The following TCTN2 variants were observed in gnomAD, a reference collection of about 807,000 sequenced individuals.
TCTN2 encodes tectonic-2.
In TCTN2, 66 loss-of-function variants were observed where a neutral mutation model predicts 83.4. The observed-to-expected ratio is 0.79, with a 90% CI of 0.65 to 0.97. TCTN2 has a LOEUF of 0.97. Ranked by LOEUF, TCTN2 falls within the 50% of genes least tolerant of loss-of-function variation. The pLI, the probability that TCTN2 is intolerant of heterozygous loss-of-function variation, is 0.00. For missense variants in TCTN2, 794 were observed against 858.1 expected (o/e 0.93, Z 0.93); for synonymous variants, 301 against 326.7 (o/e 0.92, Z 0.85).
Position 123,707,075 on chromosome 12 carries a change from T to A in TCTN2, c.1984+2T>A. ...ATCCATGGACTCAGTATTATCAAGG[T>A]AGGGTGAAACAGATTTCTATGACCA... On this transcript the variant is annotated splice_donor_variant, in intron 17 of 17. Transcript: ENST00000303372. LOFTEE classifies it high-confidence loss of function. The A allele has an allele frequency of 6.2e-7, 1 of 1,612,690 alleles. No individual in the cohort carries two copies. Among genetic ancestry groups the A allele is most frequent in the Non-Finnish European group, 8.5e-7 (1 of 1,179,694 alleles).
chr12:123,695,034 T>C, intron 10 of TCTN2, 58 bp downstream of exon 10: 1 of 1,602,194 alleles, frequency 6.2e-7, no homozygotes, highest in Non-Finnish European at 8.5e-7. Context: ...TTTTTCCTCT[T>C]TTCAAGATTC....
At chr12:123,680,414 A>G (rs1304323665) in intron 5 of TCTN2, among the ~76,000 whole-genome samples, 1 of 151,090 alleles carries the variant, frequency 6.6e-6, no homozygotes, top group Non-Finnish European at 1.5e-5. Flanking sequence ...ACGGCCTCCT[A>G]AAGTGCTGGA....
chr12:123,697,233 GA>G, intron 13 of TCTN2, 35 bp downstream of exon 13: 1 of 1,447,494 alleles, frequency 6.9e-7, no homozygotes, highest in Non-Finnish European at 9.7e-7. Flanking sequence ...TCGGCAATGT[GA>G]ATGGTTTGCC....
At position 123,672,054 on chromosome 12, in the gene TCTN2, A is replaced by G; in HGVS notation, c.191-2A>G. The G allele has an allele frequency of 6.2e-7, 1 of 1,613,922 alleles. No homozygotes were observed. Among genetic ancestry groups the G allele is most frequent in the Non-Finnish European group, 8.5e-7 (1 of 1,179,858 alleles). On this transcript the variant is annotated splice_acceptor_variant, in intron 2 of 17. Coordinates refer to ENST00000303372, the MANE Select transcript of TCTN2 (RefSeq NM_024809.5). LOFTEE classifies it high-confidence loss of function. ...CTTTGCATGCTGGTCTTCTTTCTTTAGGAATATTGCCAATTCCGACGTGTG... is the reference window on the plus strand; with the variant it reads ...CTTTGCATGCTGGTCTTCTTTCTTTGGGAATATTGCCAATTCCGACGTGTG...
chr12:123,684,443 C>T (rs1041027683), intron 5 of TCTN2, among the ~76,000 whole-genome samples: 3 of 150,504 alleles, frequency 2.0e-5, no homozygotes, highest in African/African-American at 7.3e-5. Context: ...ATCCGTCGCC[C>T]AGGCTGGAGT....
chr12:123,686,203 C>A (rs1298780010), intron 5 of TCTN2, among the ~76,000 whole-genome samples: 2 of 151,994 alleles, frequency 1.3e-5, no homozygotes, highest in African/African-American at 4.8e-5. Flanking sequence ...CCCACCACCA[C>A]ACCCGGCTAA....
intron 6 of TCTN2, 38 bp from the exon 7 acceptor site, chr12:123,688,013 A>G (rs1955994818): frequency 1.2e-6 from 2 of 1,612,000 alleles, no homozygotes; most frequent in African/African-American, 1.3e-5. Context: ...GTTTTAGCAG[A>G]TAACTGAAAC....
At chr12:123,703,452 G>A (rs1269533187) in intron 14 of TCTN2, among the ~76,000 whole-genome samples, 3 of 152,110 alleles carry the variant, frequency 2.0e-5, no homozygotes, top group African/African-American at 7.2e-5. Flanking sequence ...AAAGTGTTGG[G>A]ATTACAGGCG....
intron 6 of TCTN2, 36 bp downstream of exon 6, chr12:123,687,071 G>T (rs780514107): frequency 1.2e-6 from 2 of 1,612,744 alleles, no homozygotes; most frequent in East Asian, 4.5e-5. Flanking sequence ...ATGGGGCATT[G>T]TTCTCCCGCC....
At position 123,671,205 on chromosome 12, in the gene TCTN2, G is replaced by A. The variant is rs1272061324; in HGVS notation, c.-36G>A. Reference sequence around the variant, plus strand: ...GTCCTTCCTGGGTTCTAATGAGGGCGCGGTTCTGCTGTGCCCGGCCCGCGA... The same window carrying A: ...GTCCTTCCTGGGTTCTAATGAGGGCACGGTTCTGCTGTGCCCGGCCCGCGA... On this transcript the variant is annotated 5_prime_UTR_variant, in exon 1 of 18. Transcript: ENST00000303372. 1.3e-6 allele frequency: 2 copies of A among 1,591,602 alleles called. No individual in the cohort carries two copies. The highest frequency in any genetic ancestry group is 1.1e-5 in the South Asian group (1 of 89,094).
intron 11 of TCTN2, chr12:123,695,577 A>C (rs2135847635): frequency 4.2e-6 from 1 of 236,898 alleles, no homozygotes; most frequent in Non-Finnish European, 7.6e-6. Flanking sequence ...GCACACCACC[A>C]TGCCTGGCTT....
At chr12:123,705,902 A>G (rs962789860) in intron 15 of TCTN2, among the ~76,000 whole-genome samples, 6 of 151,564 alleles carry the variant, frequency 4.0e-5, no homozygotes, top group African/African-American at 1.5e-4. Flanking sequence ...GGTTACAAGC[A>G]TGTGGCACCT....
intron 4 of TCTN2, among the ~76,000 whole-genome samples, chr12:123,676,612 T>C (rs1955826341): frequency 6.7e-6 from 1 of 149,994 alleles, no homozygotes; most frequent in Non-Finnish European, 1.5e-5. Context: ...CTTCAGTATA[T>C]TTAGGTAATA....
rs768824874 is a variant in TCTN2 at position 123,679,248 on chromosome 12, T to A, written c.523T>A (p.Leu175Ile). Residue 175 changes from leucine (L) to isoleucine (I), a missense_variant, in exon 5 of 18, where the codon TTA (leucine) becomes ATA (isoleucine). Physicochemically the swap from Leu to Ile is conservative, Grantham distance 5 (BLOSUM62 2). Coordinates refer to ENST00000303372, the MANE Select transcript of TCTN2 (RefSeq NM_024809.5). ...GCCCCTTGGCCCTTGTCCTTGTAAT[T>A]TAACAGCTGGAGCCTGTGATGTTCG... is the stretch of plus-strand genomic sequence containing the variant. ...YQPLGPCPCNLTAGACDVRCC... is the reference protein window; with the variant it reads ...YQPLGPCPCNITAGACDVRCC... 6.2e-7 allele frequency: 1 copy of A among 1,614,094 alleles called. No homozygotes were observed.
Position 123,690,808 on chromosome 12 carries a change from A to AAG in TCTN2, c.1033+135_1033+136dup. The AAG allele has an allele frequency of 3.6e-6, 4 of 1,124,924 alleles. No homozygotes were observed. In the South Asian group the frequency reaches 5.4e-5, roughly 15 times the overall value. 69.7% of individuals were successfully genotyped at this position (1,124,924 alleles called of 1,614,324 possible). Reference sequence around the variant, plus strand: ...AACTGCCAATTATTTTCTTTGGAAAAAGTTTAGTTCCGTAAGACAGCATAT... The same window carrying AAG: ...AACTGCCAATTATTTTCTTTGGAAAAAGAGTTTAGTTCCGTAAGACAGCATAT... On this transcript the variant is annotated intron_variant, in intron 8 of 17. Transcript: ENST00000303372.
chr12:123,687,083 T>G (rs746486698), intron 6 of TCTN2, 48 bp downstream of exon 6: 12 of 1,605,150 alleles, frequency 7.5e-6, no homozygotes, highest in Non-Finnish European at 8.5e-6. Flanking sequence ...TCTCCCGCCC[T>G]GGTGGGGCCA....
At chr12:123,707,109 A>G in intron 17 of TCTN2, 36 bp downstream of exon 17, 1 of 1,587,172 alleles carries the variant, frequency 6.3e-7, no homozygotes, top group Non-Finnish European at 8.6e-7. Context: ...CAATTATGTT[A>G]TGTCAATTTA....
intron 4 of TCTN2, 40 bp from the exon 5 acceptor site, chr12:123,679,149 T>C: frequency 6.5e-7 from 1 of 1,533,932 alleles, no homozygotes; most frequent in Non-Finnish European, 9.0e-7. Context: ...TTTGTCGGAA[T>C]GTTTCTTAGC....
chr12:123,703,478 G>A (rs970433934), intron 14 of TCTN2, among the ~76,000 whole-genome samples: 4 of 152,000 alleles, frequency 2.6e-5, no homozygotes, highest in Non-Finnish European at 5.9e-5. Flanking sequence ...CACCACGCCC[G>A]ACTGATTTTT....
Sources: allele counts gnomAD v4.1 joint callset (sites outside exome capture counted in the v4.1 genomes callset), GRCh38; gene constraint gnomAD v4.1.1; transcripts MANE v1.5; gene names NCBI Gene and HGNC (gene_info 2026-07-23, HGNC 2026-07-21).